Variants in SYNJ2 observed in about 807,000 individuals in gnomAD.
The protein encoded by SYNJ2 is synaptojanin 2, also known as polyphosphatidylinositol phosphatase SYNJ2.
Under a neutral mutation model 141.3 loss-of-function variants are expected in SYNJ2, and 116 were observed. The ratio of observed to expected loss-of-function variants is 0.82; its 90% CI spans 0.71 to 0.96. The LOEUF is 0.96. Ranked by LOEUF, SYNJ2 falls within the 40% of genes least tolerant of loss-of-function variation. The probability of loss-of-function intolerance (pLI) is 0.00; values close to 1 mark genes in which losing one functional copy is unlikely to be tolerated. For synonymous variants in SYNJ2, 745 were observed against 777.7 expected (o/e 0.96, Z 0.70); for missense variants, 1,873 against 1,934.8 (o/e 0.97, Z 0.60).
chr6:158,091,487 G>A (rs1359193011), intron 25 of SYNJ2, among the ~76,000 whole-genome samples: 2 of 151,208 alleles, frequency 1.3e-5, no homozygotes, highest in African/African-American at 2.4e-5. Flanking sequence ...AGTGGCTCAC[G>A]CCTGTAATCC....
intron 1 of SYNJ2, among the ~76,000 whole-genome samples, chr6:157,995,159 A>G (rs1777592795): frequency 1.3e-5 from 2 of 152,244 alleles, no homozygotes; most frequent in Non-Finnish European, 2.9e-5. Flanking sequence ...AGGCAATGAG[A>G]AAATATGATG....
chr6:158,090,651 T>C (rs1363444746), intron 25 of SYNJ2, among the ~76,000 whole-genome samples: 3 of 142,746 alleles, frequency 2.1e-5, no homozygotes, highest in Non-Finnish European at 3.0e-5. Flanking sequence ...TTCGAGCAAA[T>C]ATCCTGCCTC....
intron 5 of SYNJ2, among the ~76,000 whole-genome samples, chr6:158,051,905 G>A (rs1273435704): frequency 6.6e-6 from 1 of 151,698 alleles, no homozygotes; most frequent in Non-Finnish European, 1.5e-5. Context: ...GCAGTGAGCC[G>A]TGATTGCACC....
At chr6:158,024,599 G>A (rs1243662970) in intron 2 of SYNJ2, among the ~76,000 whole-genome samples, 1 of 152,180 alleles carries the variant, frequency 6.6e-6, no homozygotes, top group African/African-American at 2.4e-5. Context: ...ACATTGTATT[G>A]TTTACATTGT....
At chr6:158,081,618 TTTTTTTTTTTTTTTTTTC>T (rs1782690381) in intron 20 of SYNJ2, 108 bp downstream of exon 20, 14 of 443,674 alleles carry the variant, frequency 3.2e-5, no homozygotes, top group Admixed American at 2.3e-4. Context: ...TTTTTTTTTT[TTTTTTTTTTTTTTTTTTC>T]TCTGAGACAA....
At chr6:158,092,711 G>T (rs1368800158) in intron 25 of SYNJ2, among the ~76,000 whole-genome samples, 1 of 152,122 alleles carries the variant, frequency 6.6e-6, no homozygotes, top group African/African-American at 2.4e-5. Flanking sequence ...ACTGCAGTGA[G>T]CCGTGATCAT....
intron 18 of SYNJ2, 36 bp downstream of exon 18, chr6:158,078,317 C>T (rs1334951719): frequency 9.8e-6 from 14 of 1,433,862 alleles, no homozygotes; most frequent in Non-Finnish European, 1.3e-5. Context: ...TTCTCCTGTG[C>T]TGGGCAAGGC....
intron 25 of SYNJ2, among the ~76,000 whole-genome samples, chr6:158,092,111 T>TA (rs35903216): frequency 0.52 from 77,446 of 148,182 alleles, 20,023 homozygotes; most frequent in African/African-American, 0.59. Context: ...ATAAAGCTGT[T>TA]AAAAAAAAAA....
At chr6:157,998,176 G>A (rs1000446677) in intron 1 of SYNJ2, among the ~76,000 whole-genome samples, 1 of 152,202 alleles carries the variant, frequency 6.6e-6, no homozygotes, top group Non-Finnish European at 1.5e-5. Context: ...TTTGCAGGTG[G>A]CTGCACACAC....
intron 11 of SYNJ2, among the ~76,000 whole-genome samples, chr6:158,065,225 C>G (rs1466965782): frequency 2.6e-5 from 4 of 152,198 alleles, no homozygotes; most frequent in Non-Finnish European, 5.9e-5. Context: ...TCCTGAGAAG[C>G]GAGAGACACC....
At chr6:158,059,846 C>T (rs1157027245) in intron 7 of SYNJ2, among the ~76,000 whole-genome samples, 1 of 152,192 alleles carries the variant, frequency 6.6e-6, no homozygotes, top group Non-Finnish European at 1.5e-5. Context: ...TGAGCCACCG[C>T]GCCCGGCCTA....
intron 1 of SYNJ2, among the ~76,000 whole-genome samples, chr6:157,990,627 C>G (rs1019083506): frequency 6.6e-6 from 1 of 152,168 alleles, no homozygotes; most frequent in Non-Finnish European, 1.5e-5. Context: ...AGCGGAGGAC[C>G]GGGCTGCTCC....
At position 158,043,362 on chromosome 6, in the gene SYNJ2, G is replaced by T; in HGVS notation, c.758G>T (p.Gly253Val). 1 of 1,614,146 alleles carries T rather than the reference G, an allele frequency of 6.2e-7. No homozygotes were observed. The highest frequency in any genetic ancestry group is 8.5e-7 in the Non-Finnish European group (1 of 1,179,996). ...DGVSSFVQIR[G>V]SVPLFWEQPG... ...GTGTCATCTTTTGTCCAGATCAGAG[G>T]CTCCGTTCCGCTGTTCTGGGAACAG... The change falls in exon 5 of 27, where the codon GGC becomes GTC. Residue 253 changes from glycine (G) to valine (V), a missense_variant. Coordinates refer to ENST00000355585, the MANE Select transcript of SYNJ2 (RefSeq NM_003898.4). The surrounding 1 kb of genome is among the most constrained non-coding windows in gnomAD (Gnocchi z 4.0).
chr6:158,067,945 C>A (rs1781665883), intron 12 of SYNJ2: 1 of 985,166 alleles, frequency 1.0e-6, no homozygotes, highest in Non-Finnish European at 1.2e-6. Flanking sequence ...AAAGTGACTC[C>A]TCTTCTTTTC....
At chr6:158,094,690 A>G (rs754341624) in intron 26 of SYNJ2, among the ~76,000 whole-genome samples, 11 of 152,218 alleles carry the variant, frequency 7.2e-5, no homozygotes, top group Non-Finnish European at 1.6e-4. Flanking sequence ...TTTGTTTTCT[A>G]AAGAACCAAA....
chr6:158,082,144 C>T (rs376603735), intron 20 of SYNJ2, among the ~76,000 whole-genome samples: 1 of 152,104 alleles, frequency 6.6e-6, no homozygotes, highest in Admixed American at 6.5e-5. Flanking sequence ...GTCAGGAGAT[C>T]GAGACCAGCC....
At chr6:158,057,760 G>A (rs1260727114) in intron 6 of SYNJ2, among the ~76,000 whole-genome samples, 2 of 152,230 alleles carry the variant, frequency 1.3e-5, no homozygotes, top group East Asian at 3.9e-4. Context: ...TTGGATGTGT[G>A]GCCACGGTGG....
At position 158,079,428 on chromosome 6, in the gene SYNJ2, A is replaced by G. The variant is rs369758015; in HGVS notation, c.2567+1147A>G. ...GACAGAGTCCTCCAGGCTGGAGTGCAGTGGCACAATCTTGGCTCATTGCAA... is the reference window on the plus strand; with the variant it reads ...GACAGAGTCCTCCAGGCTGGAGTGCGGTGGCACAATCTTGGCTCATTGCAA... On this transcript the variant is annotated intron_variant, in intron 18 of 26. Transcript: ENST00000355585. 5 of 150,130 alleles carry G rather than the reference A, an allele frequency of 3.3e-5. No individual in the cohort carries two copies. The East Asian group carries it at 7.8e-4, about 24-fold the overall frequency. 9.3% of individuals were successfully genotyped at this position (150,130 alleles called of 1,614,324 possible).
chr6:158,003,067 A>T (rs1777920159), intron 1 of SYNJ2, among the ~76,000 whole-genome samples: 1 of 152,156 alleles, frequency 6.6e-6, no homozygotes, highest in Non-Finnish European at 1.5e-5. Flanking sequence ...CTCCCCACAG[A>T]TGGGTTTCTG....
Sources: gnomAD v4.1 joint callset for allele counts (sites outside exome capture counted in the v4.1 genomes callset) on GRCh38, gnomAD v4.1.1 for gene constraint, Gnocchi (gnomAD v3.1) non-coding constraint, MANE v1.5 for transcripts, NCBI Gene and HGNC (gene_info 2026-07-23, HGNC 2026-07-21) for gene names.